PCDH11Y: variants seen among roughly 807,000 people sequenced by gnomAD.
The protein encoded by PCDH11Y is protocadherin-11 Y-linked.
For missense variants in PCDH11Y, 12 were observed against 224.8 expected, an observed-to-expected ratio of 0.05 and a Z score of 6.05; for synonymous variants, 9 against 83.6, an observed-to-expected ratio of 0.11 and a Z score of 4.87.
upstream of PCDH11Y, among the ~76,000 whole-genome samples, chrY:5,053,342 G>A: frequency 4.2e-5 from 1 of 23,925 alleles, no homozygotes; most frequent in African/African-American, 1.6e-4. Context: ...ACTAGAGGGT[G>A]AATATTCCTT....
intron 2 of PCDH11Y, among the ~76,000 whole-genome samples, chrY:5,229,690 G>T (rs2124653658): frequency 3.2e-5 from 1 of 31,721 alleles, no homozygotes; most frequent in East Asian, 8.5e-4. Flanking sequence ...CATGCAGCTG[G>T]TTTATGTCTT....
chrY:5,661,252 G>C, intron 4 of PCDH11Y, among the ~76,000 whole-genome samples: 1 of 33,534 alleles, frequency 3.0e-5, no homozygotes, highest in East Asian at 7.8e-4. Flanking sequence ...ACAATTCTCT[G>C]TATTACTTTT....
At position 5,564,545 on chromosome Y, in the gene PCDH11Y, A is replaced by G. The variant is rs1602943881; in HGVS notation, c.3329-17230A>G. 1.6e-4 allele frequency among the ~76,000 whole-genome samples: 5 copies of G among 31,215 alleles called. No homozygotes were observed. The East Asian group carries it at 4.2e-3, about 26-fold the overall frequency. 83.7% of individuals were successfully genotyped at this position (31,215 alleles called of 37,273 possible). A position where few individuals can be genotyped will look rare whatever the true frequency, so the allele number is the denominator to read the frequency against. ...TTGCTATATCAGAGTAGGACATCCAATTGTGGAAGATTTCACAACTTACCA... is the reference window on the plus strand; with the variant it reads ...TTGCTATATCAGAGTAGGACATCCAGTTGTGGAAGATTTCACAACTTACCA... On this transcript the variant is annotated intron_variant, in intron 3 of 4. Transcript: ENST00000400457.
At chrY:5,437,619 A>G in intron 2 of PCDH11Y, among the ~76,000 whole-genome samples, 1 of 32,283 alleles carries the variant, frequency 3.1e-5, no homozygotes, top group Non-Finnish European at 7.6e-5. Flanking sequence ...AGTGTTCTGC[A>G]TTTATCTTGC....
At chrY:5,542,292 T>G in intron 3 of PCDH11Y, among the ~76,000 whole-genome samples, 1 of 33,242 alleles carries the variant, frequency 3.0e-5, no homozygotes, top group African/African-American at 1.2e-4. Flanking sequence ...ACTCAGAATA[T>G]AAGTGGCTTT....
At chrY:5,178,393 C>T in intron 2 of PCDH11Y, among the ~76,000 whole-genome samples, 1 of 32,269 alleles carries the variant, frequency 3.1e-5, no homozygotes, top group Non-Finnish European at 7.6e-5. Context: ...TCTATTTACA[C>T]TGGGAATCAG....
intron 4 of PCDH11Y, among the ~76,000 whole-genome samples, chrY:5,638,846 A>G (rs1602955247): frequency 3.2e-5 from 1 of 30,852 alleles, no homozygotes; most frequent in East Asian, 8.5e-4. Flanking sequence ...GGTAAATCAA[A>G]AGTGTACCCT....
At chrY:5,485,401 T>C in intron 2 of PCDH11Y, among the ~76,000 whole-genome samples, 2 of 33,534 alleles carry the variant, frequency 6.0e-5, no homozygotes, top group Non-Finnish European at 1.5e-4. Flanking sequence ...TTCAAACAAG[T>C]GAACTGTATT....
At chrY:5,044,522 T>C in intron 3 of PCDH11Y, among the ~76,000 whole-genome samples, 1 of 32,866 alleles carries the variant, frequency 3.0e-5, no homozygotes, top group Non-Finnish European at 7.5e-5. Flanking sequence ...AGGAGAGCTT[T>C]ACTTCCAAGT....
At chrY:5,470,847 G>A (rs2053313551) in intron 2 of PCDH11Y, among the ~76,000 whole-genome samples, 1 of 31,568 alleles carries the variant, frequency 3.2e-5, no homozygotes, top group Non-Finnish European at 7.8e-5. Context: ...AGAACTGACT[G>A]TAATGAAAAG....
At chrY:5,328,798 A>C (rs2053126219) in intron 2 of PCDH11Y, among the ~76,000 whole-genome samples, 1 of 31,506 alleles carries the variant, frequency 3.2e-5, no homozygotes, top group Non-Finnish European at 7.7e-5. Flanking sequence ...AGGCTGCGGA[A>C]GAATTGGGAC....
In PCDH11Y at chrY:5,383,340, A is replaced by T; in HGVS notation, c.3130-117717A>T. On this transcript the variant is annotated intron_variant, in intron 2 of 4. Transcript: ENST00000400457. ...TGGAGAAACTCCATCTCTACTAAAA[A>T]TACAAAAATTAGCTGGGCGTGGTGG... Among the ~76,000 whole-genome samples the T allele has an allele frequency of 2.8e-4, 9 of 31,986 alleles. No individual in the cohort carries two copies. In the South Asian group the frequency reaches 6.6e-3, roughly 23 times the overall value. The allele number at this position is 31,986 out of a possible 37,273, so 85.8% of individuals were successfully genotyped here. A position where few individuals can be genotyped will look rare whatever the true frequency, so the allele number is the denominator to read the frequency against.
intron 2 of PCDH11Y, among the ~76,000 whole-genome samples, chrY:5,408,768 G>C: frequency 2.9e-5 from 1 of 34,026 alleles, no homozygotes; most frequent in Non-Finnish European, 7.3e-5. Context: ...AAAAACATTA[G>C]AGCATTTTAT....
At position 5,216,672 on chromosome Y, in the gene PCDH11Y, AT is replaced by A. The variant is rs1235744198; in HGVS notation, c.3129+115975del. On this transcript the variant is annotated intron_variant, in intron 2 of 4. Coordinates refer to the PCDH11Y transcript ENST00000400457. ...CTGGAGGGATGCTATTCTGCTCCTTATTTTTTTTTTAAATCTTATAGTAACT... is the reference window on the plus strand; with the variant it reads ...CTGGAGGGATGCTATTCTGCTCCTTATTTTTTTTTAAATCTTATAGTAACT... Among the ~76,000 whole-genome samples the A allele has an allele frequency of 1.4e-3, 38 of 26,355 alleles. No individual in the cohort carries two copies. In the East Asian group the frequency reaches 0.035, roughly 24 times the overall value. 70.7% of individuals were successfully genotyped at this position (26,355 alleles called of 37,273 possible).
chrY:5,109,721 T>C, downstream of PCDH11Y, among the ~76,000 whole-genome samples: 2 of 33,347 alleles, frequency 6.0e-5, no homozygotes, highest in African/African-American at 2.3e-4. Context: ...GAAAAAGCTT[T>C]TATACTTTAA....
chrY:5,726,116 C>T, intron 4 of PCDH11Y, among the ~76,000 whole-genome samples: 1 of 32,077 alleles, frequency 3.1e-5, no homozygotes, highest in Admixed American at 2.9e-4. Flanking sequence ...AAATAGTGCA[C>T]CCAATTTGGA....
chrY:5,695,262 A>G, intron 4 of PCDH11Y, among the ~76,000 whole-genome samples: 1 of 31,483 alleles, frequency 3.2e-5, no homozygotes. Flanking sequence ...CTTGTCTTAT[A>G]TAACTGTTCT....
At chrY:5,643,517 CAG>C (rs2053524529) in intron 4 of PCDH11Y, among the ~76,000 whole-genome samples, 3 of 31,812 alleles carry the variant, frequency 9.4e-5, no homozygotes, top group African/African-American at 2.5e-4. Flanking sequence ...ATCAGGTTAA[CAG>C]GGGAAAATCC....
At chrY:5,557,950 A>G (rs2053424659) in intron 3 of PCDH11Y, among the ~76,000 whole-genome samples, 1 of 33,887 alleles carries the variant, frequency 3.0e-5, no homozygotes, top group Non-Finnish European at 7.3e-5. Context: ...TTATGACAAT[A>G]TGGTTTTTGT....
Sources: gnomAD v4.1 joint callset for allele counts (sites outside exome capture counted in the v4.1 genomes callset) on GRCh38, gnomAD v4.1.1 for gene constraint, MANE v1.5 for transcripts, NCBI Gene and HGNC (gene_info 2026-07-23, HGNC 2026-07-21) for gene names.